SOX5: variants seen among roughly 807,000 people sequenced by gnomAD.
The protein encoded by SOX5 is SRY-box transcription factor 5.
Under a neutral mutation model 92.0 loss-of-function variants are expected in SOX5, and 9 were observed. The ratio of observed to expected loss-of-function variants is 0.10; its 90% CI spans 0.06 to 0.17. The LOEUF (loss-of-function observed/expected upper bound fraction) is 0.17, where lower values mean the gene tolerates loss of function less well. Ranked by LOEUF, SOX5 falls within the 10% of genes least tolerant of loss-of-function variation. The pLI, the probability that SOX5 is intolerant of heterozygous loss-of-function variation, is 1.00. For missense variants in SOX5, 642 were observed against 944.5 expected (o/e 0.68, Z 4.20); for synonymous variants, 344 against 336.3 (o/e 1.02, Z -0.25).
At chr12:24,170,000 A>G (rs1953891937) in intron 4 of SOX5, among the ~76,000 whole-genome samples, 1 of 151,424 alleles carries the variant, frequency 6.6e-6, no homozygotes, top group Admixed American at 6.6e-5. Flanking sequence ...AACGGAAGCT[A>G]ATAAACTAAG....
chr12:24,176,664 C>T (rs576664651), intron 4 of SOX5, among the ~76,000 whole-genome samples: 2 of 152,208 alleles, frequency 1.3e-5, no homozygotes, highest in Non-Finnish European at 2.9e-5. Flanking sequence ...TCCACTGCTA[C>T]ATCCAAGCTC....
intron 2 of SOX5, among the ~76,000 whole-genome samples, chr12:24,336,638 T>G (rs1202095633): frequency 6.6e-6 from 1 of 152,194 alleles, no homozygotes; most frequent in Non-Finnish European, 1.5e-5. Context: ...CTTACTTTCA[T>G]AAAGTACTCA....
intron 4 of SOX5, among the ~76,000 whole-genome samples, chr12:24,191,461 TC>T (rs1466701831): frequency 2.0e-5 from 3 of 152,158 alleles, no homozygotes; most frequent in Non-Finnish European, 2.9e-5. Context: ...TGACCACTGC[TC>T]ACCATCAGCT....
intron 6 of SOX5, among the ~76,000 whole-genome samples, chr12:23,668,302 G>T (rs149502006): frequency 6.6e-6 from 1 of 152,114 alleles, no homozygotes; most frequent in Non-Finnish European, 1.5e-5. Flanking sequence ...CCGGAAGCTC[G>T]CAAGAATCTA....
chr12:24,261,611 T>C (rs1462291495), intron 3 of SOX5, among the ~76,000 whole-genome samples: 3 of 152,202 alleles, frequency 2.0e-5, no homozygotes, highest in Non-Finnish European at 4.4e-5. Context: ...ACCTCACTAT[T>C]CACCAAATTA....
chr12:23,764,275 A>T (rs921300168), intron 3 of SOX5, among the ~76,000 whole-genome samples: 1 of 152,120 alleles, frequency 6.6e-6, no homozygotes, highest in Non-Finnish European at 1.5e-5. Flanking sequence ...ACCAGTTGTA[A>T]TAACTCTGTT....
At chr12:23,620,148 C>T (rs1186199707) in intron 8 of SOX5, among the ~76,000 whole-genome samples, 1 of 152,000 alleles carries the variant, frequency 6.6e-6, no homozygotes, top group South Asian at 2.1e-4. Context: ...GATATAATTA[C>T]ATACATACAG....
chr12:23,610,429 C>A (rs2075809802), intron 8 of SOX5, among the ~76,000 whole-genome samples: 1 of 152,122 alleles, frequency 6.6e-6, no homozygotes, highest in Non-Finnish European at 1.5e-5. Context: ...AAACCATTTA[C>A]TGACCAGTAA....
At chr12:23,922,070 C>G (rs576430545) in intron 1 of SOX5, among the ~76,000 whole-genome samples, 23 of 152,294 alleles carry the variant, frequency 1.5e-4, no homozygotes, top group South Asian at 4.1e-4. Flanking sequence ...GACAACTCCC[C>G]CCCTGGGCTC....
intron 7 of SOX5, 117 bp from the exon 8 acceptor site, chr12:23,641,014 T>C: frequency 1.5e-6 from 1 of 654,918 alleles, no homozygotes; most frequent in Non-Finnish European, 2.6e-6. Context: ...TGAGGCCTAA[T>C]GAAAAGCTCT....
At chr12:23,712,805 T>G (rs2092171468) in intron 6 of SOX5, among the ~76,000 whole-genome samples, 1 of 152,234 alleles carries the variant, frequency 6.6e-6, no homozygotes, top group East Asian at 1.9e-4. Flanking sequence ...AGCAACTTTG[T>G]ACATTCACAG....
intron 1 of SOX5, among the ~76,000 whole-genome samples, chr12:24,423,897 C>G (rs571841626): frequency 6.6e-6 from 1 of 152,158 alleles, no homozygotes; most frequent in East Asian, 1.9e-4. Flanking sequence ...CTGGACACTG[C>G]GCAGCAATGA....
intron 1 of SOX5, among the ~76,000 whole-genome samples, chr12:23,917,627 A>G (rs977236796): frequency 2.0e-5 from 3 of 152,168 alleles, no homozygotes; most frequent in South Asian, 2.1e-4. Context: ...GCTTGCTTCA[A>G]CAGGTAGTGT....
chr12:24,126,390 T>C (rs1256243962), intron 4 of SOX5, among the ~76,000 whole-genome samples: 1 of 152,186 alleles, frequency 6.6e-6, no homozygotes. Flanking sequence ...GCATTCCTTA[T>C]TTCAGTAAGG....
chr12:24,365,090 A>G (rs950178515), intron 2 of SOX5, among the ~76,000 whole-genome samples: 4 of 152,110 alleles, frequency 2.6e-5, no homozygotes, highest in Non-Finnish European at 4.4e-5. Flanking sequence ...TTTCTGGTTC[A>G]AAAGTTTATT....
intron 4 of SOX5, among the ~76,000 whole-genome samples, chr12:24,134,484 A>T (rs1172650302): frequency 6.6e-6 from 1 of 152,180 alleles, no homozygotes; most frequent in Non-Finnish European, 1.5e-5. Context: ...TCTAAAACCA[A>T]CTTTGTGTGT....
At chr12:23,814,703 A>G (rs770959562) in intron 3 of SOX5, among the ~76,000 whole-genome samples, 52 of 152,226 alleles carry the variant, frequency 3.4e-4, no homozygotes, top group Admixed American at 4.6e-4. Flanking sequence ...TGTGTTAGCC[A>G]TTTCTATTAA....
chr12:24,227,233 AG>A (rs1246332294), intron 3 of SOX5: 2 of 152,306 alleles, frequency 1.3e-5, no homozygotes, highest in Non-Finnish European at 2.9e-5. Context: ...CAGCACCAAG[AG>A]GGTGTCCTCA....
intron 4 of SOX5, among the ~76,000 whole-genome samples, chr12:24,016,097 C>A (rs937206599): frequency 1.3e-5 from 2 of 152,128 alleles, no homozygotes; most frequent in Non-Finnish European, 2.9e-5. Flanking sequence ...ATGCTGATTT[C>A]GGGAGAATGG....
Sources: gnomAD v4.1 joint callset for allele counts (sites outside exome capture counted in the v4.1 genomes callset) on GRCh38, gnomAD v4.1.1 for gene constraint, MANE v1.5 for transcripts, NCBI Gene and HGNC (gene_info 2026-07-23, HGNC 2026-07-21) for gene names.